Variants in ACAA2 observed in about 807,000 individuals in gnomAD.
The protein encoded by ACAA2 is 3-ketoacyl-CoA thiolase, mitochondrial.
A neutral mutation model predicts 44.8 loss-of-function variants in ACAA2; 35 were observed. The observed-to-expected ratio is 0.78, with a 90% CI of 0.60 to 1.04. The LOEUF (loss-of-function observed/expected upper bound fraction) is 1.04. ACAA2 is among the 50% of genes least tolerant of loss of function. ACAA2 has a pLI of 0.00. For synonymous variants in ACAA2, 142 were observed against 166.5 expected (o/e 0.85, Z 1.13); for missense variants, 468 against 482.6 (o/e 0.97, Z 0.28).
At chr18:49,809,995 T>C (rs964848437) in intron 1 of ACAA2, among the ~76,000 whole-genome samples, 2 of 152,224 alleles carry the variant, frequency 1.3e-5, no homozygotes, top group Non-Finnish European at 1.5e-5. Flanking sequence ...CTCCGTACTT[T>C]CTGCTCAATT....
rs1355173936 is a variant in ACAA2, at chr18:49,785,281, T to C, written c.1025A>G (p.Asn342Ser). Residue 342 changes from asparagine to serine, a missense_variant, in exon 9 of 10, where the codon AAT (asparagine) becomes AGT (serine). By Grantham distance (46) the Asn-to-Ser change is conservative. Coordinates refer to ENST00000285093, the MANE Select transcript of ACAA2 (RefSeq NM_006111.3). ...RSLDLDISKTNVNGGAIALGH... is the reference protein window; with the variant it reads ...RSLDLDISKTSVNGGAIALGH... Reference sequence around the variant, plus strand: ...CAAAGCAATGGCTCCTCCATTCACATTGGTTTTACTTATGTCAAGATCCAA... The same window carrying C: ...CAAAGCAATGGCTCCTCCATTCACACTGGTTTTACTTATGTCAAGATCCAA... The C allele has an allele frequency of 6.2e-7, 1 of 1,614,118 alleles. No individual in the cohort carries two copies. Among genetic ancestry groups the C allele is most frequent in the South Asian group, 1.1e-5 (1 of 91,080 alleles).
Position 49,785,256 on chromosome 18 carries a change from C to G in ACAA2, c.1050G>C (p.Leu350Phe). The G allele has an allele frequency of 6.2e-7, 1 of 1,614,140 alleles. No homozygotes were observed. The highest frequency in any genetic ancestry group is 1.3e-5 in the African/African-American group (1 of 75,042). The change falls in exon 9 of 10, where the codon TTG becomes TTC. Residue 350 changes from leucine to phenylalanine, a missense_variant. By Grantham distance (22) the Leu-to-Phe change is conservative. Coordinates refer to ENST00000285093, the MANE Select transcript of ACAA2 (RefSeq NM_006111.3). ...KTNVNGGAIA[L>F]GHPLGGSGSR... ...ATCCAGATCCTCCCAGTGGGTGACC[C>G]AAAGCAATGGCTCCTCCATTCACAT...
rs199504474 is a variant in ACAA2 at position 49,795,868 on chromosome 18, T to C, written c.326A>G (p.Lys109Arg). 2.4e-5 allele frequency: 38 copies of C among 1,608,884 alleles called. 1 individual carries two copies. In the Middle Eastern group the frequency reaches 6.6e-4, roughly 28 times the overall value. ...IVNGCQEICV[K>R]EAEVVLCGGT... ...TCCACATAAAACAACTTCAGCTTCTTTAACACAAATTTCCTATTTAAAAAC... is the reference window on the plus strand; with the variant it reads ...TCCACATAAAACAACTTCAGCTTCTCTAACACAAATTTCCTATTTAAAAAC... Residue 109 changes from lysine to arginine, a missense_variant, in exon 4 of 10, where the codon AAA becomes AGA. Transcript: ENST00000285093.
intron 8 of ACAA2, chr18:49,785,764 A>C (rs1203412020): frequency 5.2e-6 from 1 of 191,058 alleles, no homozygotes; most frequent in African/African-American, 2.4e-5. Flanking sequence ...TATCATGCTA[A>C]GAGTCACTGT....
chr18:49,787,781 C>T (rs1820359639), intron 7 of ACAA2, among the ~76,000 whole-genome samples: 1 of 152,076 alleles, frequency 6.6e-6, no homozygotes, highest in Non-Finnish European at 1.5e-5. Context: ...CCAAAGGAGT[C>T]CATATATGGG....
chr18:49,791,646 TTAA>T, intron 6 of ACAA2, 47 bp from the exon 7 acceptor site: 1 of 1,595,308 alleles, frequency 6.3e-7, no homozygotes, highest in Non-Finnish European at 8.6e-7. Flanking sequence ...AATAATCCAG[TTAA>T]TCAAAGTTTG....
intron 8 of ACAA2, 74 bp downstream of exon 8, chr18:49,787,217 A>T: frequency 8.3e-7 from 1 of 1,210,726 alleles, no homozygotes; most frequent in Non-Finnish European, 1.1e-6. Flanking sequence ...AGACCAAATT[A>T]AAGTCATTTA....
chr18:49,806,192 C>G (rs547168436), intron 1 of ACAA2, among the ~76,000 whole-genome samples: 1 of 152,154 alleles, frequency 6.6e-6, no homozygotes, highest in African/African-American at 2.4e-5. Flanking sequence ...CATGGAATGG[C>G]TAGAACTCAG....
intron 9 of ACAA2, among the ~76,000 whole-genome samples, chr18:49,784,455 C>G (rs1426014168): frequency 6.6e-6 from 1 of 152,148 alleles, no homozygotes; most frequent in African/African-American, 2.4e-5. Flanking sequence ...AAATTAGACT[C>G]TTTTAAAGTA....
intron 7 of ACAA2, among the ~76,000 whole-genome samples, chr18:49,789,905 TCACGC>T: frequency 6.6e-6 from 1 of 151,340 alleles, no homozygotes; most frequent in African/African-American, 2.4e-5. Flanking sequence ...TGAGCTGAGA[TCACGC>T]CACTGCACTC....
chr18:49,800,249 G>A (rs1238920624), intron 2 of ACAA2, among the ~76,000 whole-genome samples: 5 of 146,236 alleles, frequency 3.4e-5, no homozygotes, highest in South Asian at 4.3e-4. Context: ...CCGGCCAGCC[G>A]CCCCGTCCGG....
chr18:49,791,887 G>C (rs2023405045), intron 6 of ACAA2, among the ~76,000 whole-genome samples: 2 of 151,972 alleles, frequency 1.3e-5, no homozygotes, highest in East Asian at 3.9e-4. Context: ...AAAAAAAAAA[G>C]TTTGAAAACC....
chr18:49,802,787 G>A lies in ACAA2; in HGVS notation c.83C>T (p.Thr28Ile), dbSNP rs374355283. ...AGCAAATTCAGACAAGTCAGTAGCA[G>A]TGAAGTCTTTCAGAAGGCCTCCGTA... ...GAYGGLLKDFTATDLSEFAAK... is the reference protein window; with the variant it reads ...GAYGGLLKDFIATDLSEFAAK... Residue 28 changes from threonine to isoleucine, a missense_variant, in exon 2 of 10, where the codon ACT becomes ATT. Coordinates refer to ENST00000285093, the MANE Select transcript of ACAA2 (RefSeq NM_006111.3). 57 of 1,614,030 alleles carry A rather than the reference G, an allele frequency of 3.5e-5. No individual in the cohort carries two copies. The highest frequency in any genetic ancestry group is 1.7e-5 in the Admixed American group (1 of 59,996).
At chr18:49,785,788 A>C (rs1317849288) in intron 8 of ACAA2, 1 of 175,802 alleles carries the variant, frequency 5.7e-6, no homozygotes, top group African/African-American at 2.4e-5. Flanking sequence ...AGTTAGATAA[A>C]ATCATGAGTA....
chr18:49,790,623 A>G (rs628531), intron 7 of ACAA2, among the ~76,000 whole-genome samples: 91,144 of 152,004 alleles, frequency 0.6, 27,444 homozygotes, highest in Middle Eastern at 0.76. Context: ...TTTTCTAAGT[A>G]AGGCACCTAA....
intron 5 of ACAA2, among the ~76,000 whole-genome samples, chr18:49,793,710 G>A (rs1364208712): frequency 2.0e-5 from 3 of 152,168 alleles, no homozygotes; most frequent in Non-Finnish European, 1.5e-5. Context: ...TAAAAGAACT[G>A]CTGTCACATT....
At chr18:49,799,295 G>A (rs547875943) in intron 2 of ACAA2, among the ~76,000 whole-genome samples, 15 of 150,556 alleles carry the variant, frequency 1.0e-4, no homozygotes, top group Middle Eastern at 3.4e-3. Flanking sequence ...CTGCCATCTC[G>A]GCTCACTGCA....
intron 1 of ACAA2, among the ~76,000 whole-genome samples, chr18:49,805,763 T>C (rs903085852): frequency 7.9e-5 from 12 of 151,848 alleles, no homozygotes; most frequent in Admixed American, 2.0e-4. Context: ...TTTTTTCTTT[T>C]TTTTTTTTGT....
intron 7 of ACAA2, 92 bp from the exon 8 acceptor site, chr18:49,787,453 A>G (rs2023346467): frequency 1.1e-6 from 1 of 935,276 alleles, no homozygotes; most frequent in Non-Finnish European, 1.5e-6. Flanking sequence ...CAAGTAAGGA[A>G]GAAATAATGC....
Sources: allele counts gnomAD v4.1 joint callset (sites outside exome capture counted in the v4.1 genomes callset), GRCh38; gene constraint gnomAD v4.1.1; transcripts MANE v1.5; gene names NCBI Gene and HGNC (gene_info 2026-07-23, HGNC 2026-07-21).